The following ALS2CL variants were observed in gnomAD, a reference collection of about 807,000 sequenced individuals.
The protein encoded by ALS2CL is ALS2 C-terminal-like protein.
ALS2CL carries 112 observed loss-of-function variants against 127.9 expected under a neutral mutation model. The observed-to-expected ratio is 0.88, with a 90% CI of 0.75 to 1.02. The LOEUF is 1.02. ALS2CL is among the 50% of genes least tolerant of loss of function. The pLI, the probability that ALS2CL is intolerant of heterozygous loss-of-function variation, is 0.00. For missense variants in ALS2CL, 1,174 were observed against 1,236.7 expected (o/e 0.95, Z 0.76); for synonymous variants, 519 against 527.6 (o/e 0.98, Z 0.22).
chr3:46,673,233 C>T (rs1698548503), intron 22 of ALS2CL, 106 bp downstream of exon 22: 1 of 1,051,246 alleles, frequency 9.5e-7, no homozygotes, highest in East Asian at 3.0e-5. Flanking sequence ...CCTGCCCCTC[C>T]CCAGCTCCTC....
chr3:46,689,222 C>A, intron 2 of ALS2CL, 116 bp downstream of exon 2: 1 of 1,054,786 alleles, frequency 9.5e-7, no homozygotes, highest in Admixed American at 2.0e-5. Flanking sequence ...CCAGGTGTCA[C>A]CACTCCTATT....
At position 46,685,633 on chromosome 3, in the gene ALS2CL, G is replaced by A. The variant is rs370707372; in HGVS notation, c.678C>T (p.Cys226=). The stretch of plus-strand genomic sequence containing the variant: ...CCTGAAGGAGTCTGTGAGCAGGGGT[G>A]CAGAGCACATCCTGGTGGGGCAAAG... ...TLRGRLRDVL[C]TPAHRLLQDS... The change falls in exon 7 of 26, where the codon TGC becomes TGT. Residue 226 remains cysteine (C), a synonymous_variant. Transcript: ENST00000318962. The A allele has an allele frequency of 1.2e-6, 2 of 1,613,628 alleles. No homozygotes were observed. Among genetic ancestry groups the A allele is most frequent in the South Asian group, 2.2e-5 (2 of 91,042 alleles).
chr3:46,679,468 G>C (rs917759768), intron 14 of ALS2CL, 181 bp from the exon 15 acceptor site: 4 of 471,034 alleles, frequency 8.5e-6, no homozygotes, highest in African/African-American at 8.1e-5. Context: ...GGCCTGCTAA[G>C]CACCAGCCCC....
Position 46,671,525 on chromosome 3 carries a change from G to C in ALS2CL, c.2744C>G (p.Thr915Arg), listed in dbSNP as rs748633797. ...GAGCAGGAAGTCATACAGGCCTCCT[G>C]TGTGGTTGGGGTCCATCATGTCACG... is the stretch of plus-strand genomic sequence containing the variant. ...LIRDMMDPNH[T>R]GGLYDFLLTA... The change falls in exon 25 of 26, where the codon ACA becomes AGA. Residue 915 changes from threonine to arginine, a missense_variant. Physicochemically the swap from Thr to Arg is moderately conservative, Grantham distance 71 (BLOSUM62 -1). Transcript: ENST00000318962. 2.5e-6 allele frequency: 4 copies of C among 1,614,102 alleles called. No individual in the cohort carries two copies. The South Asian group carries it at 3.3e-5, about 13-fold the overall frequency.
intron 25 of ALS2CL, 113 bp downstream of exon 25, chr3:46,671,375 A>C (rs1429589992): frequency 3.2e-5 from 48 of 1,491,870 alleles, no homozygotes; most frequent in Non-Finnish European, 1.2e-5. Flanking sequence ...GTCACACATG[A>C]GCTGTGAATT....
Position 46,685,574 on chromosome 3 carries a change from A to C in ALS2CL, c.737T>G (p.Leu246Trp), listed in dbSNP as rs1357666332. ...AAAGAGCAGCACACGCTCAGCCCGC[A>C]ACGGTGCGACCGTCACGGGTACGTC... ...SQDVPVTVAP[L>W]RAERVLLFDD... is the part of the protein sequence containing the mutation. The change falls in exon 7 of 26, where the codon TTG (leucine) becomes TGG (tryptophan). Residue 246 changes from leucine to tryptophan, a missense_variant. Physicochemically the swap from Leu to Trp is moderately conservative, Grantham distance 61 (BLOSUM62 -2). Transcript: ENST00000318962. 6.2e-7 allele frequency: 1 copy of C among 1,614,052 alleles called. No homozygotes were observed. Among genetic ancestry groups the C allele is most frequent in the East Asian group, 2.2e-5 (1 of 44,874 alleles).
intron 4 of ALS2CL, 144 bp from the exon 5 acceptor site, chr3:46,687,292 T>C (rs1699864736): frequency 1.8e-5 from 16 of 913,686 alleles, no homozygotes; most frequent in South Asian, 9.1e-5. Context: ...ATCAACACAG[T>C]ACCTGAGTTG....
intron 22 of ALS2CL, among the ~76,000 whole-genome samples, 197 bp downstream of exon 22, chr3:46,673,142 T>C (rs945134325): frequency 2.0e-5 from 3 of 152,344 alleles, no homozygotes; most frequent in Admixed American, 2.0e-4. Flanking sequence ...AGAACCTGTG[T>C]TTGAGCCTGG....
Position 46,687,201 on chromosome 3 carries a change from C to A in ALS2CL, c.369-53G>T, listed in dbSNP as rs1699859450. Reference sequence around the variant, plus strand: ...CTTCACCCCTTCCTCCATTCCTGCACCCACACCGCCACCTCCCTGCCCCAG... The same window carrying A: ...CTTCACCCCTTCCTCCATTCCTGCAACCACACCGCCACCTCCCTGCCCCAG... On this transcript the variant is annotated intron_variant, in intron 4 of 25. Transcript: ENST00000318962. The A allele has an allele frequency of 2.1e-6, 3 of 1,456,512 alleles. No homozygotes were observed. In the East Asian group the frequency reaches 7.6e-5, roughly 37 times the overall value. The allele number at this position is 1,456,512 out of a possible 1,614,324, so 90.2% of individuals were successfully genotyped here.
rs1700305062 is a variant in ALS2CL, at chr3:46,693,654, G to A, written c.-37C>T. ...CGTCGCGCCCTTACCTGAGCGCTGT[G>A]GTTGCCCCGCGCCGGGACTGCCTGT... On this transcript the variant is annotated 5_prime_UTR_variant, in exon 1 of 26. Transcript: ENST00000318962. 1 of 152,318 alleles carries A rather than the reference G, an allele frequency of 6.6e-6. No individual in the cohort carries two copies. The highest frequency in any genetic ancestry group is 2.4e-5 in the African/African-American group (1 of 41,458). 9.4% of individuals were successfully genotyped at this position (152,318 alleles called of 1,614,324 possible).
At position 46,671,981 on chromosome 3, in the gene ALS2CL, C is replaced by T. The variant is rs1412339520; in HGVS notation, c.2587G>A (p.Glu863Lys). The T allele has an allele frequency of 5.6e-6, 9 of 1,614,046 alleles. No homozygotes were observed. The highest frequency in any genetic ancestry group is 6.8e-6 in the Non-Finnish European group (8 of 1,180,010). ...ACCCTCGACACCGTGCCCTCAATTT[C>T]CCCGTATGTCCTCTCCAGCACCTCC... ...KLEVLERTYG[E>K]IEGTVSRVLG... Residue 863 changes from glutamate to lysine, a missense_variant, in exon 24 of 26, where the codon GAA (glutamate) becomes AAA (lysine). Glu to Lys is a moderately conservative substitution (Grantham distance 56). Transcript: ENST00000318962.
At position 46,693,677 on chromosome 3, in the gene ALS2CL, T is replaced by G. The variant is rs1700306794; in HGVS notation, c.-60A>C. The G allele has an allele frequency of 6.6e-6, 1 of 152,214 alleles. No homozygotes were observed. The highest frequency in any genetic ancestry group is 1.5e-5 in the Non-Finnish European group (1 of 68,084). The allele number at this position is 152,214 out of a possible 1,614,324, so 9.4% of individuals were successfully genotyped here. A position where few individuals can be genotyped will look rare whatever the true frequency, so the allele number is the denominator to read the frequency against. On this transcript the variant is annotated 5_prime_UTR_variant, in exon 1 of 26. Coordinates refer to ENST00000318962, the MANE Select transcript of ALS2CL (RefSeq NM_147129.5). The stretch of plus-strand genomic sequence containing the variant: ...GTGGTTGCCCCGCGCCGGGACTGCC[T>G]GTGCGGCTCCTCGCTCGCACCCCCA...
chr3:46,687,530 T>C, intron 4 of ALS2CL, 89 bp downstream of exon 4: 56 of 1,447,720 alleles, frequency 3.9e-5, no homozygotes, highest in Non-Finnish European at 5.3e-5. Flanking sequence ...CTGTGACACC[T>C]GCTGCTCTGG....
At chr3:46,691,991 T>G (rs1432488470) in intron 1 of ALS2CL, among the ~76,000 whole-genome samples, 2 of 152,058 alleles carry the variant, frequency 1.3e-5, no homozygotes, top group Non-Finnish European at 1.5e-5. Flanking sequence ...ACTCCGGGGG[T>G]GAGTCCTCCA....
chr3:46,681,327 T>G lies in ALS2CL; in HGVS notation c.1355A>C (p.Gln452Pro), dbSNP rs369892563. Residue 452 changes from glutamine to proline, a missense_variant, in exon 13 of 26, where the codon CAG becomes CCG. By Grantham distance (76) the Gln-to-Pro change is moderately conservative. Coordinates refer to ENST00000318962, the MANE Select transcript of ALS2CL (RefSeq NM_147129.5). This position sits in a 1 kb window ranked among gnomAD's most constrained non-coding sequence, Gnocchi z 4.9. ...CGTGTACCTGAAGGGCTGGGGGGCC[T>G]GCGGACCACTCTCAAGGACCCCAAA... ...HGFGVLESGP[Q>P]APQPFRYTGH... is the part of the protein sequence containing the mutation. 2.7e-5 allele frequency: 43 copies of G among 1,613,630 alleles called. No individual in the cohort carries two copies. The African/African-American group carries it at 4.0e-4, about 15-fold the overall frequency.
At position 46,689,207 on chromosome 3, in the gene ALS2CL, T is replaced by G; in HGVS notation, c.103+131A>C. ...TCGCACCACCTGCATCAGAAGATGCTGATACCAGGTGTCACCACTCCTATT... is the reference window on the plus strand; with the variant it reads ...TCGCACCACCTGCATCAGAAGATGCGGATACCAGGTGTCACCACTCCTATT... On this transcript the variant is annotated intron_variant, in intron 2 of 25. Transcript: ENST00000318962. 3 of 896,510 alleles carry G rather than the reference T, an allele frequency of 3.3e-6. No homozygotes were observed. The South Asian group carries it at 4.5e-5, about 14-fold the overall frequency. The allele number at this position is 896,510 out of a possible 1,614,324, so 55.5% of individuals were successfully genotyped here.
chr3:46,680,400 G>A, intron 14 of ALS2CL, 30 bp downstream of exon 14: 1 of 1,599,652 alleles, frequency 6.3e-7, no homozygotes, highest in East Asian at 2.2e-5. Flanking sequence ...GGTGCAAAGA[G>A]AGGGATAGCC....
rs968463869 is a variant in ALS2CL at position 46,676,917 on chromosome 3, G to T, written c.1863C>A (p.Ala621=). Residue 621 remains alanine (A), a synonymous_variant, in exon 17 of 26, where the codon GCC becomes GCA. Coordinates refer to ENST00000318962, the MANE Select transcript of ALS2CL (RefSeq NM_147129.5). ...CAGCPRDLQE[A]LLGFDVQSSR... is the part of the protein sequence containing the mutation. Reference sequence around the variant, plus strand: ...AGCTCTGCACGTCGAAGCCCAGCAGGGCCTCCTGCAGGTCCCTGGGGCAGC... The same window carrying T: ...AGCTCTGCACGTCGAAGCCCAGCAGTGCCTCCTGCAGGTCCCTGGGGCAGC... 2 of 1,613,738 alleles carry T rather than the reference G, an allele frequency of 1.2e-6. No individual in the cohort carries two copies.
rs1249673099 is a variant in ALS2CL, at chr3:46,678,268, G to A, written c.1748C>T (p.Thr583Ile). 8 of 1,594,580 alleles carry A rather than the reference G, an allele frequency of 5.0e-6. No individual in the cohort carries two copies. Among genetic ancestry groups the A allele is most frequent in the Middle Eastern group, 1.7e-4 (1 of 5,954 alleles). The part of the protein sequence containing the change: ...TAALPPDPSS[T>I]CKRQLGVGAF... ...GGGGCCAGGCACTCACCTCTTGCAG[G>A]TACTGCTCGGGTCTGGTGGGAGGGC... The change falls in exon 16 of 26, where the codon ACC becomes ATC. Residue 583 changes from threonine to isoleucine, a missense_variant. Thr to Ile is a moderately conservative substitution (Grantham distance 89, BLOSUM62 -1). Coordinates refer to ENST00000318962, the MANE Select transcript of ALS2CL (RefSeq NM_147129.5).
Sources: allele counts gnomAD v4.1 joint callset (sites outside exome capture counted in the v4.1 genomes callset), GRCh38; gene constraint gnomAD v4.1.1; non-coding constraint Gnocchi (gnomAD v3.1); transcripts MANE v1.5; gene names NCBI Gene and HGNC (gene_info 2026-07-23, HGNC 2026-07-21).